CRYBG3: variants seen among roughly 807,000 people sequenced by gnomAD.
The protein encoded by CRYBG3 is crystallin beta-gamma domain containing 3, also known as very large A-kinase anchor protein.
CRYBG3 carries 127 observed loss-of-function variants against 244.2 expected under a neutral mutation model. That is an observed-to-expected ratio of 0.52 (90% CI 0.45 to 0.60). CRYBG3 has a LOEUF of 0.60. CRYBG3 is among the 20% of genes least tolerant of loss of function. The probability of loss-of-function intolerance (pLI) is 0.00; values close to 1 mark genes in which losing one functional copy is unlikely to be tolerated. For synonymous variants in CRYBG3, 1,132 were observed against 1,195.8 expected (o/e 0.95, Z 1.10); for missense variants, 3,325 against 3,442.5 (o/e 0.97, Z 0.85).
chr3:97,850,237 C>T (rs945982562), intron 2 of CRYBG3, among the ~76,000 whole-genome samples: 1 of 152,118 alleles, frequency 6.6e-6, no homozygotes, highest in African/African-American at 2.4e-5. Flanking sequence ...TACGCATACC[C>T]ATTGATACTA....
At chr3:97,861,714 A>G (rs2039152263) in intron 2 of CRYBG3, among the ~76,000 whole-genome samples, 1 of 152,112 alleles carries the variant, frequency 6.6e-6, no homozygotes, top group African/African-American at 2.4e-5. Flanking sequence ...CATTGCTACA[A>G]TGGTAGACAG....
chr3:97,878,470 C>A (rs2039409215), intron 4 of CRYBG3, among the ~76,000 whole-genome samples: 1 of 152,038 alleles, frequency 6.6e-6, no homozygotes, highest in African/African-American at 2.4e-5. Context: ...AAGTTTGTTT[C>A]ATAAAAATAT....
intron 10 of CRYBG3, among the ~76,000 whole-genome samples, chr3:97,889,936 T>C (rs1559734394): frequency 6.6e-6 from 1 of 151,824 alleles, no homozygotes. Flanking sequence ...AAAGTATGTT[T>C]AGAGAGAGAG....
chr3:97,919,869 C>T (rs528502282), intron 17 of CRYBG3, among the ~76,000 whole-genome samples: 1 of 152,172 alleles, frequency 6.6e-6, no homozygotes, highest in South Asian at 2.1e-4. Flanking sequence ...TGGCTGAATT[C>T]TTTCTCCCAT....
chr3:97,862,611 A>G (rs1476254885), intron 2 of CRYBG3, among the ~76,000 whole-genome samples: 1 of 152,176 alleles, frequency 6.6e-6, no homozygotes, highest in Non-Finnish European at 1.5e-5. Flanking sequence ...CATATCTTCT[A>G]CTGCCAAACT....
chr3:97,847,040 A>G (rs1289795272), intron 2 of CRYBG3, among the ~76,000 whole-genome samples: 1 of 152,198 alleles, frequency 6.6e-6, no homozygotes, highest in Admixed American at 6.5e-5. Flanking sequence ...TAGCAAGAGC[A>G]GGAGCAAGAG....
chr3:97,931,346 C>T (rs1459931652), intron 17 of CRYBG3, among the ~76,000 whole-genome samples: 1 of 152,118 alleles, frequency 6.6e-6, no homozygotes, highest in African/African-American at 2.4e-5. Context: ...AATTCTCTTC[C>T]TCCTTCACTT....
intron 15 of CRYBG3, among the ~76,000 whole-genome samples, chr3:97,903,392 G>T (rs2039727773): frequency 6.6e-6 from 1 of 152,106 alleles, no homozygotes; most frequent in African/African-American, 2.4e-5. Flanking sequence ...TTTCAGTAAA[G>T]AAAGCCTTTA....
intron 1 of CRYBG3, among the ~76,000 whole-genome samples, chr3:97,829,567 T>C (rs1410882507): frequency 6.6e-6 from 1 of 152,236 alleles, no homozygotes; most frequent in African/African-American, 2.4e-5. Flanking sequence ...TGATGTGCCT[T>C]ATAAATTAGA....
rs1471090677 is a variant in CRYBG3, at chr3:97,873,745, A to T, written c.2551A>T (p.Ile851Phe). 18 of 1,535,516 alleles carry T rather than the reference A, an allele frequency of 1.2e-5. No individual in the cohort carries two copies. Among genetic ancestry groups the T allele is most frequent in the Non-Finnish European group, 1.2e-5 (14 of 1,146,710 alleles). ...TCTTTCAAAAGTGGAGCCCAGAAACATTTCTCAGGATAAAATGTCTTCTTT... is the reference window on the plus strand; with the variant it reads ...TCTTTCAAAAGTGGAGCCCAGAAACTTTTCTCAGGATAAAATGTCTTCTTT... The part of the protein sequence containing the change: ...VSLSKVEPRN[I>F]SQDKMSSFPL... Residue 851 changes from isoleucine to phenylalanine, a missense_variant, in exon 4 of 22, where the codon ATT becomes TTT. This residue lies in a region of CRYBG3 where 1,526 missense variants were observed against 1,443.2 expected (regional missense o/e 1.06). Coordinates refer to ENST00000389622, the MANE Select transcript of CRYBG3 (RefSeq NM_153605.4).
intron 21 of CRYBG3, 120 bp from the exon 22 acceptor site, chr3:97,943,106 C>A: frequency 1.6e-6 from 1 of 621,344 alleles, no homozygotes; most frequent in African/African-American, 1.9e-5. Context: ...TTTCAGACTT[C>A]TTTGTAAATG....
At chr3:97,826,477 T>C (rs1484887662) in intron 1 of CRYBG3, among the ~76,000 whole-genome samples, 1 of 152,102 alleles carries the variant, frequency 6.6e-6, no homozygotes, top group Non-Finnish European at 1.5e-5. Context: ...TAAGAGAAAA[T>C]ATTCCCTCAA....
chr3:97,878,037 G>A lies in CRYBG3; in HGVS notation c.6843G>A (p.Glu2281=). 1 of 1,592,712 alleles carries A rather than the reference G, an allele frequency of 6.3e-7. No individual in the cohort carries two copies. Among genetic ancestry groups the A allele is most frequent in the Non-Finnish European group, 8.5e-7 (1 of 1,173,290 alleles). ...CAGGCAGATTGAGCCCATTTATAGA[G>A]GTAAGTTATTTTGTTTATTGTATTA... ...DSPGRLSPFI[E]NVDKQTLRCN... Residue 2281 remains glutamate, a splice_region_variant and synonymous_variant, in exon 4 of 22, where the codon GAG becomes GAA. Coordinates refer to ENST00000389622, the MANE Select transcript of CRYBG3 (RefSeq NM_153605.4).
chr3:97,909,749 G>A (rs199910879), intron 15 of CRYBG3, among the ~76,000 whole-genome samples: 35,656 of 150,348 alleles, frequency 0.24, 4,439 homozygotes, highest in Middle Eastern at 0.33. Flanking sequence ...CTCTCAGCTC[G>A]TCAAAGTCAT....
chr3:97,868,261 G>A (rs1425728353), intron 3 of CRYBG3, among the ~76,000 whole-genome samples: 1 of 147,790 alleles, frequency 6.8e-6, no homozygotes, highest in Non-Finnish European at 1.5e-5. Flanking sequence ...TCCGACCTGG[G>A]CGAAAGAGCG....
Position 97,896,486 on chromosome 3 carries a change from A to G in CRYBG3, c.7701+401A>G, listed in dbSNP as rs1876193. On this transcript the variant is annotated intron_variant, in intron 12 of 21. Transcript: ENST00000389622. ...CAGTTGGTCAGTTATCCCCACTTGA[A>G]TAGAGAGGGCTTCATGGAAAAGATG... 7.9e-5 allele frequency among the ~76,000 whole-genome samples: 12 copies of G among 152,146 alleles called. No individual in the cohort carries two copies. The South Asian group carries it at 2.5e-3, about 32-fold the overall frequency.
intron 1 of CRYBG3, among the ~76,000 whole-genome samples, chr3:97,830,426 C>A (rs1041874242): frequency 6.6e-6 from 1 of 152,052 alleles, no homozygotes; most frequent in African/African-American, 2.4e-5. Context: ...TACTACTCAG[C>A]CCTATGTAAG....
rs1221329908 is a variant in CRYBG3 at position 97,872,797 on chromosome 3, TCA to T, written c.1604_1605del (p.Ser535CysfsTer3). The part of the protein sequence containing the change: ...REIRRETESA[S>X]AGESIASSHV... The stretch of plus-strand genomic sequence containing the variant: ...AATCAGGCGAGAAACAGAAAGTGCC[TCA>T]GCTGGTGAATCCATAGCTTCAAGTC... On this transcript the variant is annotated frameshift_variant, in exon 4 of 22. Transcript: ENST00000389622. LOFTEE classifies it high-confidence loss of function. 1 of 1,535,880 alleles carries T rather than the reference TCA, an allele frequency of 6.5e-7. No homozygotes were observed. The highest frequency in any genetic ancestry group is 8.7e-7 in the Non-Finnish European group (1 of 1,146,782).
chr3:97,902,759 C>T (rs1486789296), intron 15 of CRYBG3, among the ~76,000 whole-genome samples: 1 of 152,002 alleles, frequency 6.6e-6, no homozygotes. Context: ...GAAGGTTGGT[C>T]GCTATGTCTA....
Sources: allele counts gnomAD v4.1 joint callset (sites outside exome capture counted in the v4.1 genomes callset), GRCh38; gene constraint gnomAD v4.1.1; regional missense constraint gnomAD v4.1.1; transcripts MANE v1.5; gene names NCBI Gene and HGNC (gene_info 2026-07-23, HGNC 2026-07-21).